TAX1BP1: variants seen among roughly 807,000 people sequenced by gnomAD.
TAX1BP1 encodes tax1-binding protein 1.
Under a neutral mutation model 97.7 loss-of-function variants are expected in TAX1BP1, and 62 were observed. That is an observed-to-expected ratio of 0.63 (90% CI 0.52 to 0.78). TAX1BP1 has a LOEUF of 0.78. TAX1BP1 is among the 30% of genes least tolerant of loss of function. TAX1BP1 has a pLI of 0.00. For synonymous variants in TAX1BP1, 340 were observed against 304.2 expected (o/e 1.12, Z -1.23); for missense variants, 867 against 916.1 (o/e 0.95, Z 0.69).
At chr7:27,759,367 G>A (rs2128309669) in intron 3 of TAX1BP1, among the ~76,000 whole-genome samples, 1 of 152,214 alleles carries the variant, frequency 6.6e-6, no homozygotes, top group East Asian at 1.9e-4. Flanking sequence ...CAATTGTAAT[G>A]TGGTATTAAC....
intron 15 of TAX1BP1, among the ~76,000 whole-genome samples, 180 bp from the exon 16 acceptor site, chr7:27,827,558 T>C (rs1791223788): frequency 6.6e-6 from 1 of 152,212 alleles, no homozygotes; most frequent in South Asian, 2.1e-4. Flanking sequence ...TGTTAGTTTA[T>C]AGTGAAATAC....
chr7:27,814,916 T>C (rs1469259599), intron 13 of TAX1BP1, among the ~76,000 whole-genome samples: 2 of 152,174 alleles, frequency 1.3e-5, no homozygotes, highest in African/African-American at 4.8e-5. Flanking sequence ...TTTTTGTATT[T>C]TTAGTAGAGA....
intron 4 of TAX1BP1, 64 bp from the exon 5 acceptor site, chr7:27,769,612 A>G (rs1473781773): frequency 1.0e-5 from 14 of 1,357,608 alleles, no homozygotes; most frequent in Non-Finnish European, 1.4e-5. Context: ...GGAAAACTAA[A>G]TTTGTAATAA....
At position 27,741,611 on chromosome 7, in the gene TAX1BP1, C is replaced by G. The variant is rs537462517; in HGVS notation, c.-8+1342C>G. The stretch of plus-strand genomic sequence containing the variant: ...CGCCTCCCAGGTTCAAGCGATTCTC[C>G]TGCCTCAGCCTCCTGAGTACCTGGG... On this transcript the variant is annotated intron_variant, in intron 1 of 16. Coordinates refer to ENST00000396319, the MANE Select transcript of TAX1BP1 (RefSeq NM_006024.7). Among the ~76,000 whole-genome samples, 11 of 152,158 alleles carry G rather than the reference C, an allele frequency of 7.2e-5. No homozygotes were observed. The East Asian group carries it at 2.1e-3, about 29-fold the overall frequency.
intron 2 of TAX1BP1, among the ~76,000 whole-genome samples, chr7:27,757,133 A>T (rs1788251040): frequency 6.6e-6 from 1 of 152,140 alleles, no homozygotes. Flanking sequence ...GGCCAATCAG[A>T]ATCATAGAAC....
At chr7:27,789,859 G>C (rs1451317930) in intron 8 of TAX1BP1, among the ~76,000 whole-genome samples, 2 of 151,946 alleles carry the variant, frequency 1.3e-5, no homozygotes, top group Admixed American at 6.5e-5. Context: ...AACATGAGAA[G>C]TGTATTTGAT....
chr7:27,765,919 T>C lies in TAX1BP1; in HGVS notation c.351T>C (p.Pro117=). Residue 117 remains proline, a synonymous_variant, in exon 4 of 17, where the codon CCT becomes CCC. Transcript: ENST00000396319. The part of the protein sequence containing the change: ...HKGEIRGAST[P]FQFRASSPVE... ...GTGAAATTCGTGGAGCAAGTACACC[T>C]TTCCAGTTTCGAGCTTCTTCTCCAG... is the stretch of plus-strand genomic sequence containing the variant. 2 of 1,614,216 alleles carry C rather than the reference T, an allele frequency of 1.2e-6. No homozygotes were observed. Among genetic ancestry groups the C allele is most frequent in the Non-Finnish European group, 1.7e-6 (2 of 1,180,032 alleles).
chr7:27,820,764 A>G (rs1790943402), intron 15 of TAX1BP1, among the ~76,000 whole-genome samples: 1 of 152,238 alleles, frequency 6.6e-6, no homozygotes, highest in Admixed American at 6.5e-5. Flanking sequence ...CAAAACATAC[A>G]GATAAATCTT....
At chr7:27,805,348 A>T (rs1253466365) in intron 13 of TAX1BP1, among the ~76,000 whole-genome samples, 4 of 152,094 alleles carry the variant, frequency 2.6e-5, no homozygotes, top group Admixed American at 6.5e-5. Context: ...TTATATATAT[A>T]TTTTTCCCCT....
chr7:27,758,286 AC>A lies in TAX1BP1; in HGVS notation c.265+154del, dbSNP rs1788301549. On this transcript the variant is annotated intron_variant, in intron 3 of 16. Transcript: ENST00000396319. ...ACTTAGCAAAAGCCCTAAGAATGTAACTGTCTGGTGTAGGCCACATGATATT... is the reference window on the plus strand; with the variant it reads ...ACTTAGCAAAAGCCCTAAGAATGTAATGTCTGGTGTAGGCCACATGATATT... The A allele has an allele frequency of 5.9e-6, 3 of 506,142 alleles. No individual in the cohort carries two copies. The South Asian group carries it at 1.0e-4, about 17-fold the overall frequency. The allele number at this position is 506,142 out of a possible 1,614,324, so 31.4% of individuals were successfully genotyped here. A position where few individuals can be genotyped will look rare whatever the true frequency, so the allele number is the denominator to read the frequency against.
At position 27,827,826 on chromosome 7, in the gene TAX1BP1, T is replaced by C. The variant is rs1325676183; in HGVS notation, c.2168+6T>C. On this transcript the variant is annotated splice_donor_region_variant and intron_variant, in intron 16 of 16. Coordinates refer to ENST00000396319, the MANE Select transcript of TAX1BP1 (RefSeq NM_006024.7). ...GGCTTTTGCTTTGATTCCAGGTAGTTTTCTTCTTTACTTTGTAGAATTTGG... is the reference window on the plus strand; with the variant it reads ...GGCTTTTGCTTTGATTCCAGGTAGTCTTCTTCTTTACTTTGTAGAATTTGG... 20 of 1,612,768 alleles carry C rather than the reference T, an allele frequency of 1.2e-5. No homozygotes were observed. The highest frequency in any genetic ancestry group is 1.6e-5 in the Non-Finnish European group (19 of 1,179,446).
chr7:27,821,629 G>C (rs1335004367), intron 15 of TAX1BP1, among the ~76,000 whole-genome samples: 1 of 124,382 alleles, frequency 8.0e-6, no homozygotes, highest in Non-Finnish European at 1.8e-5. Flanking sequence ...AGCAAGACTC[G>C]GTCTCAAAAA....
At chr7:27,769,881 T>C (rs1191394539) in intron 5 of TAX1BP1, 47 bp downstream of exon 5, 1 of 1,574,672 alleles carries the variant, frequency 6.4e-7, no homozygotes. Flanking sequence ...GTATATTGCC[T>C]GAAACCCACC....
At chr7:27,792,537 G>A (rs2128318129) in intron 9 of TAX1BP1, among the ~76,000 whole-genome samples, 1 of 152,290 alleles carries the variant, frequency 6.6e-6, no homozygotes, top group South Asian at 2.1e-4. Flanking sequence ...TATTATGGTT[G>A]TTTAAGGGAG....
At chr7:27,763,982 C>T (rs1417321677) in intron 3 of TAX1BP1, among the ~76,000 whole-genome samples, 1 of 152,138 alleles carries the variant, frequency 6.6e-6, no homozygotes, top group Non-Finnish European at 1.5e-5. Context: ...TTGCCAGATA[C>T]ATGTCTATGA....
rs1201727172 is a variant in TAX1BP1 at position 27,794,463 on chromosome 7, C to T, written c.1534+17C>T. On this transcript the variant is annotated intron_variant, in intron 11 of 16. Coordinates refer to ENST00000396319, the MANE Select transcript of TAX1BP1 (RefSeq NM_006024.7). ...CTTCTGCAGGTAAAAATCTTTTAGA[C>T]TTTTTGTGTAGGGTGTCCTACATTG... 1.3e-6 allele frequency: 2 copies of T among 1,592,668 alleles called. No individual in the cohort carries two copies.
rs1782627957 is a variant in TAX1BP1 at position 27,829,574 on chromosome 7, A to C, written c.*745A>C. ...CATAACAGGGGTGTTTGTGGCATAA[A>C]AATCATAGAATATATATCAGTATCT... On this transcript the variant is annotated 3_prime_UTR_variant, in exon 17 of 17. Coordinates refer to ENST00000396319, the MANE Select transcript of TAX1BP1 (RefSeq NM_006024.7). 6.6e-6 allele frequency: 1 copy of C among 152,204 alleles called. No individual in the cohort carries two copies. Among genetic ancestry groups the C allele is most frequent in the Admixed American group, 6.5e-5 (1 of 15,274 alleles). The allele number at this position is 152,204 out of a possible 1,614,324, so 9.4% of individuals were successfully genotyped here. A position where few individuals can be genotyped will look rare whatever the true frequency, so the allele number is the denominator to read the frequency against.
intron 5 of TAX1BP1, among the ~76,000 whole-genome samples, chr7:27,779,835 TTA>T (rs2128314656): frequency 1.3e-5 from 2 of 152,344 alleles, no homozygotes; most frequent in South Asian, 2.1e-4. Context: ...CCTAGAGAAT[TTA>T]TGTCTTCGTG....
At chr7:27,766,409 G>T (rs1461663873) in intron 4 of TAX1BP1, among the ~76,000 whole-genome samples, 1 of 96,944 alleles carries the variant, frequency 1.0e-5, no homozygotes. Flanking sequence ...GACAGAGCGA[G>T]ACTCCGTATC....
Sources: gnomAD v4.1 joint callset for allele counts (sites outside exome capture counted in the v4.1 genomes callset) on GRCh38, gnomAD v4.1.1 for gene constraint, MANE v1.5 for transcripts, NCBI Gene and HGNC (gene_info 2026-07-23, HGNC 2026-07-21) for gene names.